CCDC149: variants seen among roughly 807,000 people sequenced by gnomAD.
The protein encoded by CCDC149 is coiled-coil domain-containing protein 149.
CCDC149 carries 45 observed loss-of-function variants against 59.9 expected under a neutral mutation model. The observed-to-expected ratio is 0.75, with a 90% CI of 0.59 to 0.96. CCDC149 has a LOEUF of 0.96. Ranked by LOEUF, CCDC149 falls within the 40% of genes least tolerant of loss-of-function variation. The probability of loss-of-function intolerance (pLI) is 0.00; values close to 1 mark genes in which losing one functional copy is unlikely to be tolerated. For synonymous variants in CCDC149, 245 were observed against 260.6 expected (o/e 0.94, Z 0.58); for missense variants, 584 against 664.7 (o/e 0.88, Z 1.33).
intron 12 of CCDC149, among the ~76,000 whole-genome samples, chr4:24,810,026 C>T (rs1374987833): frequency 6.6e-6 from 1 of 152,200 alleles, no homozygotes; most frequent in Admixed American, 6.5e-5. Context: ...TCCTGTTTCA[C>T]TCTGCAGCCT....
chr4:24,917,644 G>A (rs539681421), upstream of CCDC149, among the ~76,000 whole-genome samples: 94 of 152,128 alleles, frequency 6.2e-4, no homozygotes, highest in African/African-American at 2.0e-3. Context: ...GGAGGAGAGC[G>A]GAAAACCGTG....
In CCDC149 at chr4:24,902,629, C is replaced by A. The variant is rs3846334; in HGVS notation, c.63+10188G>T. ...AAGTTCAACTTCTAAGAAGCTTTTCCCCACTCCATCAAGCCTCACCAACTG... is the reference window on the plus strand; with the variant it reads ...AAGTTCAACTTCTAAGAAGCTTTTCACCACTCCATCAAGCCTCACCAACTG... On this transcript the variant is annotated intron_variant, in intron 1 of 12. Coordinates refer to ENST00000635206, the MANE Select transcript of CCDC149 (RefSeq NM_001330643.2). 1.8e-4 allele frequency among the ~76,000 whole-genome samples: 28 copies of A among 152,262 alleles called. No homozygotes were observed. In the South Asian group the frequency reaches 3.3e-3, roughly 18 times the overall value.
intron 4 of CCDC149, among the ~76,000 whole-genome samples, chr4:24,844,799 A>G (rs1056649934): frequency 1.3e-5 from 2 of 152,066 alleles, no homozygotes; most frequent in African/African-American, 4.8e-5. Context: ...AATAAAATAA[A>G]AATAAAAATC....
In CCDC149 at chr4:24,871,547, T is replaced by G. The variant is rs183580816; in HGVS notation, c.264+2134A>C. ...AAAGCCGTCATTTAGGGCATGTCAG[T>G]ACAGAACAACTATAAAGTTAAGGAA... On this transcript the variant is annotated intron_variant, in intron 3 of 12. Transcript: ENST00000635206. Among the ~76,000 whole-genome samples, 117 of 152,360 alleles carry G rather than the reference T, an allele frequency of 7.7e-4. 1 individual carries two copies. The highest frequency in any genetic ancestry group is 2.5e-3 in the African/African-American group (106 of 41,580).
chr4:24,974,559 C>T (rs1724092695), intron 1 of CCDC149, among the ~76,000 whole-genome samples: 2 of 152,292 alleles, frequency 1.3e-5, no homozygotes. Context: ...TTCCCTAGCA[C>T]ATAAGAATTT....
At chr4:24,860,592 A>G (rs1029179019) in intron 3 of CCDC149, among the ~76,000 whole-genome samples, 5 of 152,192 alleles carry the variant, frequency 3.3e-5, no homozygotes, top group African/African-American at 1.2e-4. Flanking sequence ...AGATAAATAG[A>G]TGGGACTTAA....
chr4:24,961,810 C>T (rs1723641991), intron 1 of CCDC149, among the ~76,000 whole-genome samples: 1 of 152,094 alleles, frequency 6.6e-6, no homozygotes, highest in Non-Finnish European at 1.5e-5. Context: ...AAAATTAATT[C>T]AAGATGGATT....
chr4:24,869,946 G>A (rs566387887), intron 3 of CCDC149, among the ~76,000 whole-genome samples: 3 of 152,306 alleles, frequency 2.0e-5, no homozygotes, highest in African/African-American at 7.2e-5. Context: ...ACCAGGAATG[G>A]GAGCAAGTCC....
At chr4:24,976,845 G>C (rs1405871805) in intron 1 of CCDC149, among the ~76,000 whole-genome samples, 1 of 152,174 alleles carries the variant, frequency 6.6e-6, no homozygotes, top group Non-Finnish European at 1.5e-5. Flanking sequence ...GCCAAGCGGG[G>C]ATTTGGAAGC....
intron 1 of CCDC149, among the ~76,000 whole-genome samples, chr4:24,902,006 C>A (rs1381408242): frequency 2.6e-5 from 4 of 152,330 alleles, no homozygotes; most frequent in African/African-American, 9.6e-5. Flanking sequence ...CTGCAATGGG[C>A]AAAGTACAGG....
chr4:24,938,888 G>T (rs977180201), intron 1 of CCDC149, among the ~76,000 whole-genome samples: 10 of 152,250 alleles, frequency 6.6e-5, no homozygotes, highest in African/African-American at 1.7e-4. Context: ...GGTAAACAAA[G>T]CGGCCGGGAA....
chr4:24,813,489 A>AATATATCTATATATATATAT (rs1186488610), intron 12 of CCDC149, among the ~76,000 whole-genome samples: 12 of 113,724 alleles, frequency 1.1e-4, no homozygotes, highest in African/African-American at 4.4e-4. Flanking sequence ...CAGCTTGGGG[A>AATATATCTATATATATATAT]ATATATATAT....
intron 3 of CCDC149, among the ~76,000 whole-genome samples, chr4:24,861,209 G>C (rs1718355184): frequency 6.6e-6 from 1 of 151,598 alleles, no homozygotes; most frequent in African/African-American, 2.4e-5. Flanking sequence ...TATAGAACTA[G>C]CCCAAATGCC....
chr4:24,922,759 G>A (rs1384344860), intron 1 of CCDC149, among the ~76,000 whole-genome samples: 1 of 152,104 alleles, frequency 6.6e-6, no homozygotes, highest in Non-Finnish European at 1.5e-5. Flanking sequence ...TTCTCTCGCT[G>A]GGGGCTTCTG....
intron 3 of CCDC149, among the ~76,000 whole-genome samples, chr4:24,862,966 C>T (rs545871594): frequency 1.3e-5 from 2 of 152,110 alleles, no homozygotes; most frequent in African/African-American, 4.8e-5. Context: ...ACCTTTATTT[C>T]TCCCACAGAC....
intron 1 of CCDC149, among the ~76,000 whole-genome samples, chr4:24,895,882 T>C (rs905941083): frequency 3.9e-5 from 6 of 152,214 alleles, no homozygotes; most frequent in African/African-American, 1.2e-4. Context: ...TTCCAGCCTA[T>C]ACTGAAGTCT....
At chr4:24,873,881 T>A (rs1259238111) in intron 2 of CCDC149, among the ~76,000 whole-genome samples, 162 bp from the exon 3 acceptor site, 2 of 99,756 alleles carry the variant, frequency 2.0e-5, no homozygotes, top group African/African-American at 3.9e-5. Flanking sequence ...TTTAAAAAAA[T>A]AACTACAAAC....
At chr4:24,854,003 C>T (rs1717844169) in intron 3 of CCDC149, among the ~76,000 whole-genome samples, 1 of 152,136 alleles carries the variant, frequency 6.6e-6, no homozygotes, top group Non-Finnish European at 1.5e-5. Context: ...TGTTGGGATC[C>T]AGGTCCCTCC....
At chr4:24,937,409 C>T (rs938072708) in intron 1 of CCDC149, among the ~76,000 whole-genome samples, 12 of 152,176 alleles carry the variant, frequency 7.9e-5, no homozygotes, top group African/African-American at 1.4e-4. Flanking sequence ...CTATTAGTCA[C>T]GATAGACTAG....
Sources: allele counts gnomAD v4.1 joint callset (sites outside exome capture counted in the v4.1 genomes callset), GRCh38; gene constraint gnomAD v4.1.1; transcripts MANE v1.5; gene names NCBI Gene and HGNC (gene_info 2026-07-23, HGNC 2026-07-21).